Variants in EHBP1 observed in about 807,000 individuals in gnomAD.
EHBP1 encodes EH domain binding protein 1.
Under a neutral mutation model 144.0 loss-of-function variants are expected in EHBP1, and 55 were observed. The ratio of observed to expected loss-of-function variants is 0.38; its 90% CI spans 0.31 to 0.48. The LOEUF (loss-of-function observed/expected upper bound fraction) is 0.48. EHBP1 is among the 20% of genes least tolerant of loss of function. EHBP1 has a pLI of 0.98. For missense variants in EHBP1, 1,200 were observed against 1,364.2 expected (o/e 0.88, Z 1.90); for synonymous variants, 469 against 472.7 (o/e 0.99, Z 0.10).
intron 1 of EHBP1, among the ~76,000 whole-genome samples, chr2:62,675,775 TTA>T (rs1363069343): frequency 6.6e-6 from 1 of 152,194 alleles, no homozygotes; most frequent in African/African-American, 2.4e-5. Context: ...ATTATTGTTG[TTA>T]TTATTTTGAG....
In EHBP1 at chr2:62,906,758, A is replaced by G. The variant is rs576613226; in HGVS notation, c.1185+32226A>G. On this transcript the variant is annotated intron_variant, in intron 10 of 22. Transcript: ENST00000431489. ...ACAAAACATTTCTTTCACCACAAGG[A>G]TACCTGGAGTTGCCCATTTACAGCC... Among the ~76,000 whole-genome samples, 106 of 152,330 alleles carry G rather than the reference A, an allele frequency of 7.0e-4. No homozygotes were observed. In the Middle Eastern group the frequency reaches 0.01, roughly 15 times the overall value.
chr2:62,826,699 C>T (rs1211283807), intron 6 of EHBP1: 1 of 152,566 alleles, frequency 6.6e-6, no homozygotes, highest in East Asian at 1.9e-4. Context: ...CTTGGCTCAA[C>T]CTTCCAAAAA....
chr2:62,752,727 T>C (rs2039872829), intron 3 of EHBP1, among the ~76,000 whole-genome samples: 1 of 152,228 alleles, frequency 6.6e-6, no homozygotes, highest in Non-Finnish European at 1.5e-5. Flanking sequence ...CCTTTACCAT[T>C]ATGTAATGGC....
chr2:62,805,298 A>C (rs1011644885), intron 5 of EHBP1, among the ~76,000 whole-genome samples: 2 of 152,064 alleles, frequency 1.3e-5, no homozygotes, highest in Non-Finnish European at 2.9e-5. Context: ...ATTGATACAG[A>C]ACTATATTTA....
At chr2:63,029,387 T>C (rs1419917380) in intron 19 of EHBP1, among the ~76,000 whole-genome samples, 1 of 151,502 alleles carries the variant, frequency 6.6e-6, no homozygotes, top group Non-Finnish European at 1.5e-5. Flanking sequence ...TCCATGAAAT[T>C]GTTTACAGAT....
At chr2:62,730,354 C>G (rs2037390460) in intron 2 of EHBP1, among the ~76,000 whole-genome samples, 1 of 152,140 alleles carries the variant, frequency 6.6e-6, no homozygotes, top group Admixed American at 6.6e-5. Context: ...TTTTTACTGT[C>G]ACCATAGTTT....
intron 10 of EHBP1, among the ~76,000 whole-genome samples, chr2:62,894,830 A>T (rs550304497): frequency 3.3e-5 from 5 of 151,612 alleles, no homozygotes; most frequent in Non-Finnish European, 4.4e-5. Flanking sequence ...AGGTGGGAGG[A>T]TTGCTTGAAC....
chr2:62,750,481 C>T (rs1317139951), intron 3 of EHBP1, among the ~76,000 whole-genome samples: 1 of 152,038 alleles, frequency 6.6e-6, no homozygotes, highest in Non-Finnish European at 1.5e-5. Flanking sequence ...TTTTTTGGTT[C>T]CATATGAACT....
At chr2:62,947,567 A>G (rs1391955967) in intron 12 of EHBP1, among the ~76,000 whole-genome samples, 9 of 152,150 alleles carry the variant, frequency 5.9e-5, no homozygotes, top group African/African-American at 1.7e-4. Flanking sequence ...TTAGTTCAGG[A>G]TAGTAATAAT....
At chr2:62,723,178 A>G (rs2036401947) in intron 2 of EHBP1, among the ~76,000 whole-genome samples, 1 of 152,166 alleles carries the variant, frequency 6.6e-6, no homozygotes, top group African/African-American at 2.4e-5. Context: ...CCTGTCTTGG[A>G]TGCACACATA....
intron 5 of EHBP1, among the ~76,000 whole-genome samples, chr2:62,774,985 T>C (rs975679959): frequency 1.3e-5 from 2 of 152,168 alleles, no homozygotes; most frequent in Non-Finnish European, 2.9e-5. Context: ...AATAAATACA[T>C]AATGTATGCT....
At chr2:62,930,713 C>T (rs1222108305) in intron 10 of EHBP1, among the ~76,000 whole-genome samples, 1 of 152,102 alleles carries the variant, frequency 6.6e-6, no homozygotes, top group Non-Finnish European at 1.5e-5. Flanking sequence ...CAGAAACAAA[C>T]CTCTGCATAT....
intron 16 of EHBP1, among the ~76,000 whole-genome samples, chr2:62,992,813 A>G (rs930783128): frequency 6.6e-5 from 10 of 152,204 alleles, no homozygotes; most frequent in Admixed American, 6.6e-4. Flanking sequence ...AGCATTCAGC[A>G]GGCTTAGCTA....
rs2059383084 is a variant in EHBP1, at chr2:62,990,800, C to T, written c.2693C>T (p.Ala898Val). The T allele has an allele frequency of 6.2e-7, 1 of 1,613,818 alleles. No homozygotes were observed. The highest frequency in any genetic ancestry group is 1.3e-5 in the African/African-American group (1 of 75,044). Residue 898 changes from alanine to valine, a missense_variant, in exon 16 of 23, where the codon GCC becomes GTC. Ala to Val is a moderately conservative substitution (Grantham distance 64, BLOSUM62 0). Transcript: ENST00000431489. Reference sequence around the variant, plus strand: ...GTGGCAAATTCACCCTCCAGTGCTGCCCAGAAAGCTGTAACTGAGAGCTCA... The same window carrying T: ...GTGGCAAATTCACCCTCCAGTGCTGTCCAGAAAGCTGTAACTGAGAGCTCA... ...PQVANSPSSA[A>V]QKAVTESSEQ...
chr2:62,691,011 C>T (rs1394426619), intron 1 of EHBP1, among the ~76,000 whole-genome samples: 1 of 152,224 alleles, frequency 6.6e-6, no homozygotes, highest in Admixed American at 6.5e-5. Flanking sequence ...AGAGCCCTTG[C>T]GTGCCCTCAG....
intron 10 of EHBP1, 49 bp downstream of exon 10, chr2:62,874,581 C>G: frequency 7.0e-7 from 1 of 1,437,396 alleles, no homozygotes; most frequent in Non-Finnish European, 9.4e-7. Context: ...GCTGTTTTCT[C>G]CCCGTGCCAT....
chr2:62,918,764 T>A (rs2054836839), intron 10 of EHBP1, among the ~76,000 whole-genome samples: 1 of 152,232 alleles, frequency 6.6e-6, no homozygotes, highest in Admixed American at 6.5e-5. Context: ...TCTACGATAG[T>A]GGTTCTCAAA....
In EHBP1 at chr2:62,766,172, G is replaced by A. The variant is rs557274602; in HGVS notation, c.258+1811G>A. ...TAAACAGACATAAGAAGTAACTAAG[G>A]AGTTTGGAATTTATCTCATAAGTTG... On this transcript the variant is annotated intron_variant, in intron 4 of 22. Transcript: ENST00000431489. Among the ~76,000 whole-genome samples, 14 of 152,252 alleles carry A rather than the reference G, an allele frequency of 9.2e-5. No individual in the cohort carries two copies. In the South Asian group the frequency reaches 2.9e-3, roughly 32 times the overall value.
chr2:62,832,792 G>A (rs12713469), intron 7 of EHBP1, among the ~76,000 whole-genome samples: 89,022 of 151,870 alleles, frequency 0.59, 26,557 homozygotes, highest in Middle Eastern at 0.75. Context: ...TCGTTCCCTG[G>A]GACATAACAA....
Sources: gnomAD v4.1 joint callset for allele counts (sites outside exome capture counted in the v4.1 genomes callset) on GRCh38, gnomAD v4.1.1 for gene constraint, MANE v1.5 for transcripts, NCBI Gene and HGNC (gene_info 2026-07-23, HGNC 2026-07-21) for gene names.